Variants in AFG1L observed in about 807,000 individuals in gnomAD.
AFG1L encodes AFG1-like ATPase.
A neutral mutation model predicts 62.2 loss-of-function variants in AFG1L; 53 were observed. The observed-to-expected ratio is 0.85, with a 90% CI of 0.68 to 1.07. The LOEUF is 1.07. Among genes scored for constraint, AFG1L ranks in the 50% least tolerant of loss-of-function variants. AFG1L has a pLI of 0.00. For synonymous variants in AFG1L, 228 were observed against 210.3 expected (o/e 1.08, Z -0.73); for missense variants, 555 against 590.5 (o/e 0.94, Z 0.62).
chr6:108,426,465 A>G (rs1770821605), intron 7 of AFG1L, among the ~76,000 whole-genome samples: 1 of 152,192 alleles, frequency 6.6e-6, no homozygotes, highest in Non-Finnish European at 1.5e-5. Context: ...CAAAAAGTGC[A>G]CATTTCAACT....
chr6:108,487,954 A>G (rs541044760), intron 10 of AFG1L, among the ~76,000 whole-genome samples: 2 of 152,266 alleles, frequency 1.3e-5, no homozygotes, highest in Admixed American at 6.5e-5. Flanking sequence ...GGAATGTGGT[A>G]CCTAGAGTAA....
chr6:108,439,867 C>T (rs1031254261), intron 7 of AFG1L, among the ~76,000 whole-genome samples: 1 of 152,106 alleles, frequency 6.6e-6, no homozygotes, highest in Non-Finnish European at 1.5e-5. Context: ...AGACAGTCTC[C>T]ACTCAGTCTC....
At chr6:108,376,963 T>TA (rs1400092881) in intron 6 of AFG1L, among the ~76,000 whole-genome samples, 1 of 152,216 alleles carries the variant, frequency 6.6e-6, no homozygotes, top group East Asian at 1.9e-4. Context: ...TTTTATTGAA[T>TA]ATAACCCTTT....
At chr6:108,476,995 C>G in intron 9 of AFG1L, 60 bp downstream of exon 9, 1 of 1,416,200 alleles carries the variant, frequency 7.1e-7, no homozygotes, top group Non-Finnish European at 1.0e-6. Flanking sequence ...CCAATCTCCA[C>G]TGACCAATTA....
rs1562203947 is a variant in AFG1L at position 108,510,314 on chromosome 6, A to G, written c.1165A>G (p.Arg389Gly). Residue 389 changes from arginine to glycine, a missense_variant, in exon 11 of 13, where the codon AGA becomes GGA. Arg to Gly is a moderately radical substitution (Grantham distance 125, BLOSUM62 -2). Transcript: ENST00000368977. ...TCTGGCAAACAGGACTCAAGGTCGA[A>G]GATTCATAACTCTCATCGATAACTT... The part of the protein sequence containing the change: ...FTLANRTQGR[R>G]FITLIDNFYD... 2 of 1,612,510 alleles carry G rather than the reference A, an allele frequency of 1.2e-6. No individual in the cohort carries two copies. The highest frequency in any genetic ancestry group is 2.2e-5 in the South Asian group (2 of 90,728).
chr6:108,457,561 C>CT (rs907121469), intron 8 of AFG1L, among the ~76,000 whole-genome samples: 10 of 151,406 alleles, frequency 6.6e-5, no homozygotes, highest in African/African-American at 2.2e-4. Flanking sequence ...ACTTTATTAT[C>CT]TTTTTAGGTT....
intron 10 of AFG1L, among the ~76,000 whole-genome samples, chr6:108,505,406 A>G (rs1302775234): frequency 1.3e-5 from 2 of 152,036 alleles, no homozygotes; most frequent in African/African-American, 4.8e-5. Flanking sequence ...TTTTTTCTAT[A>G]TGTATTTTTT....
intron 8 of AFG1L, among the ~76,000 whole-genome samples, chr6:108,454,651 T>C (rs1287343581): frequency 6.6e-6 from 1 of 152,138 alleles, no homozygotes; most frequent in Non-Finnish European, 1.5e-5. Context: ...TGAAGTCTGT[T>C]CTTTTTTATT....
Position 108,356,680 on chromosome 6 carries a change from T to C in AFG1L, c.518-10T>C. On this transcript the variant is annotated splice_polypyrimidine_tract_variant and intron_variant, in intron 4 of 12. Transcript: ENST00000368977. ...TATATTTCATCTGTGTTTAATTTCA[T>C]GCATTTAAGGAATACATCGCCTTAA... 1 of 1,574,606 alleles carries C rather than the reference T, an allele frequency of 6.4e-7. No individual in the cohort carries two copies. Among genetic ancestry groups the C allele is most frequent in the Non-Finnish European group, 8.6e-7 (1 of 1,161,788 alleles).
intron 1 of AFG1L, among the ~76,000 whole-genome samples, chr6:108,298,073 G>A (rs1776839988): frequency 1.3e-5 from 2 of 151,970 alleles, no homozygotes. Context: ...GAATAAACAA[G>A]GATGGTCACC....
chr6:108,318,727 G>T (rs17069485), intron 1 of AFG1L, among the ~76,000 whole-genome samples: 2 of 152,146 alleles, frequency 1.3e-5, no homozygotes, highest in African/African-American at 2.4e-5. Flanking sequence ...AAAGAATAGC[G>T]CAGACTTTTT....
chr6:108,486,310 G>A (rs1773568724), intron 10 of AFG1L, among the ~76,000 whole-genome samples: 1 of 151,934 alleles, frequency 6.6e-6, no homozygotes, highest in Non-Finnish European at 1.5e-5. Flanking sequence ...TCCTATCATA[G>A]AGTATGATTT....
intron 8 of AFG1L, among the ~76,000 whole-genome samples, chr6:108,448,829 A>G (rs1405605365): frequency 6.6e-6 from 1 of 151,928 alleles, no homozygotes; most frequent in African/African-American, 2.4e-5. Context: ...ACACCAGGAA[A>G]CTCTGGACCA....
chr6:108,432,465 G>A (rs1429373624), intron 7 of AFG1L, among the ~76,000 whole-genome samples: 4 of 152,104 alleles, frequency 2.6e-5, no homozygotes, highest in African/African-American at 7.2e-5. Flanking sequence ...CCCCCATTGC[G>A]GAGTAATGGT....
intron 6 of AFG1L, among the ~76,000 whole-genome samples, chr6:108,370,974 G>A (rs899679489): frequency 1.3e-5 from 2 of 152,070 alleles, no homozygotes; most frequent in East Asian, 3.9e-4. Flanking sequence ...TGTCTTGGAA[G>A]GTCTTGTGGA....
In AFG1L at chr6:108,447,303, G is replaced by A. The variant is rs1771852610; in HGVS notation, c.890+7G>A. ...CAGGAAAACTCTACTACCTGTAAGT[G>A]TTTCTAATTTTTAAAGTTTAATGTC... On this transcript the variant is annotated splice_region_variant and intron_variant, in intron 8 of 12. Coordinates refer to ENST00000368977, the MANE Select transcript of AFG1L (RefSeq NM_145315.5). The A allele has an allele frequency of 2.6e-6, 4 of 1,545,352 alleles. No homozygotes were observed. The highest frequency in any genetic ancestry group is 3.6e-6 in the Non-Finnish European group (4 of 1,122,072).
intron 10 of AFG1L, among the ~76,000 whole-genome samples, chr6:108,482,134 A>G (rs1321649174): frequency 6.6e-6 from 1 of 152,246 alleles, no homozygotes. Context: ...TAATTGTTTA[A>G]TTAAATGTGT....
At chr6:108,358,736 G>A (rs187788892) in intron 5 of AFG1L, among the ~76,000 whole-genome samples, 8 of 152,264 alleles carry the variant, frequency 5.3e-5, no homozygotes, top group Admixed American at 5.2e-4. Flanking sequence ...GTTTCACCAC[G>A]TTGGCCAGGC....
At chr6:108,393,856 G>A (rs1005244104) in intron 6 of AFG1L, among the ~76,000 whole-genome samples, 5 of 151,874 alleles carry the variant, frequency 3.3e-5, no homozygotes, top group Admixed American at 6.6e-5. Context: ...AAATATAGTT[G>A]ACATATAATA....
Sources: gnomAD v4.1 joint callset for allele counts (sites outside exome capture counted in the v4.1 genomes callset) on GRCh38, gnomAD v4.1.1 for gene constraint, MANE v1.5 for transcripts, NCBI Gene and HGNC (gene_info 2026-07-23, HGNC 2026-07-21) for gene names.